AFF3: variants seen among roughly 807,000 people sequenced by gnomAD.
AFF3 encodes the protein ALF transcription elongation factor 3.
AFF3 carries 32 observed loss-of-function variants against 129.7 expected under a neutral mutation model. The ratio of observed to expected loss-of-function variants is 0.25; its 90% CI spans 0.19 to 0.33. The LOEUF is 0.33. Ranked by LOEUF, AFF3 falls within the 10% of genes least tolerant of loss-of-function variation. AFF3 has a pLI of 1.00. For missense variants in AFF3, 1,373 were observed against 1,592.0 expected (o/e 0.86, Z 2.34); for synonymous variants, 644 against 635.4 (o/e 1.01, Z -0.20).
intron 13 of AFF3, among the ~76,000 whole-genome samples, chr2:99,618,893 G>GATTC (rs112677518): frequency 0.45 from 67,435 of 149,774 alleles, 16,388 homozygotes; most frequent in Non-Finnish European, 0.56. Context: ...AGCTCTGATC[G>GATTC]ATTCATTCAT....
intron 4 of AFF3, among the ~76,000 whole-genome samples, chr2:100,055,559 C>T (rs1686699878): frequency 6.6e-6 from 1 of 151,948 alleles, no homozygotes; most frequent in African/African-American, 2.4e-5. Context: ...AGGAAAGATG[C>T]TTGGGCATTA....
chr2:99,947,653 T>TAGATAGACAGAC (rs1432410613), intron 7 of AFF3, among the ~76,000 whole-genome samples: 14 of 123,280 alleles, frequency 1.1e-4, no homozygotes, highest in East Asian at 9.5e-4. Context: ...GATAGATAGA[T>TAGATAGACAGAC]AGACAGACAG....
At chr2:100,037,612 A>G (rs866689262) in intron 4 of AFF3, among the ~76,000 whole-genome samples, 3,123 of 60,476 alleles carry the variant, frequency 0.052, 202 homozygotes, top group Middle Eastern at 0.076. Context: ...ATATAAATAT[A>G]TATTTATATT....
chr2:99,856,701 A>G (rs1039619255), intron 7 of AFF3, among the ~76,000 whole-genome samples: 1 of 152,168 alleles, frequency 6.6e-6, no homozygotes, highest in Non-Finnish European at 1.5e-5. Flanking sequence ...CTGGCGCCTA[A>G]TCCTTTCTTA....
At chr2:99,730,036 T>C (rs1332009026) in intron 10 of AFF3, among the ~76,000 whole-genome samples, 1 of 152,158 alleles carries the variant, frequency 6.6e-6, no homozygotes, top group Non-Finnish European at 1.5e-5. Flanking sequence ...GTAAAATCTA[T>C]GTATCTATGT....
chr2:99,955,128 A>G (rs955885217), intron 7 of AFF3, among the ~76,000 whole-genome samples: 35 of 152,198 alleles, frequency 2.3e-4, no homozygotes, highest in Admixed American at 4.6e-4. Context: ...TGTATAACAT[A>G]CAAAACACTG....
intron 1 of AFF3, among the ~76,000 whole-genome samples, chr2:100,141,604 AT>A (rs1442320049): frequency 6.6e-6 from 1 of 152,204 alleles, no homozygotes; most frequent in African/African-American, 2.4e-5. Context: ...TACCTGAATG[AT>A]CCCCTCTTTG....
chr2:99,631,416 C>T (rs1293171186), intron 13 of AFF3, among the ~76,000 whole-genome samples: 2 of 152,208 alleles, frequency 1.3e-5, no homozygotes, highest in African/African-American at 4.8e-5. Flanking sequence ...AGTACATTCA[C>T]ACTGCTGTAC....
intron 13 of AFF3, among the ~76,000 whole-genome samples, chr2:99,627,355 G>T (rs1215127980): frequency 6.6e-6 from 1 of 151,270 alleles, no homozygotes; most frequent in Admixed American, 6.6e-5. Context: ...TCATATGCTT[G>T]TTGGCCGCAT....
At chr2:99,676,409 A>T (rs1216189472) in intron 11 of AFF3, among the ~76,000 whole-genome samples, 1 of 151,902 alleles carries the variant, frequency 6.6e-6, no homozygotes, top group Non-Finnish European at 1.5e-5. Context: ...CAGAGCAGGG[A>T]CTCCAGCGTC....
intron 13 of AFF3, among the ~76,000 whole-genome samples, chr2:99,626,624 T>C (rs914264174): frequency 1.3e-5 from 2 of 149,792 alleles, no homozygotes; most frequent in African/African-American, 2.4e-5. Context: ...AGGTTTGTTA[T>C]ACAGGTAAAC....
chr2:99,776,842 T>C (rs1683940150), intron 8 of AFF3, among the ~76,000 whole-genome samples: 1 of 152,210 alleles, frequency 6.6e-6, no homozygotes, highest in African/African-American at 2.4e-5. Flanking sequence ...AGGCATCTGA[T>C]AGCAGCCCTG....
intron 11 of AFF3, 99 bp from the exon 12 acceptor site, chr2:99,672,688 A>C: frequency 8.7e-7 from 1 of 1,143,418 alleles, no homozygotes; most frequent in South Asian, 1.4e-5. Context: ...TATTAGAGCA[A>C]CATTTTGGAA....
At chr2:99,596,637 C>T (rs1457915402) in intron 14 of AFF3, among the ~76,000 whole-genome samples, 1 of 39,554 alleles carries the variant, frequency 2.5e-5, no homozygotes, top group African/African-American at 9.5e-5. Flanking sequence ...ACTAGTTCTC[C>T]CTCACTGCTA....
chr2:99,563,469 C>T lies in AFF3; in HGVS notation c.3119+2018G>A, dbSNP rs530636892. 6.6e-5 allele frequency among the ~76,000 whole-genome samples: 10 copies of T among 151,270 alleles called. No homozygotes were observed. In the South Asian group the frequency reaches 1.0e-3, roughly 16 times the overall value. Reference sequence around the variant, plus strand: ...CCTCCCAAAGTGCTGGGATTACAGGCGTGAGCCACCGCGCCCAGAAAATTA... The same window carrying T: ...CCTCCCAAAGTGCTGGGATTACAGGTGTGAGCCACCGCGCCCAGAAAATTA... On this transcript the variant is annotated intron_variant, in intron 20 of 24. Transcript: ENST00000672756.
At chr2:100,132,728 T>A (rs944012039) in intron 1 of AFF3, among the ~76,000 whole-genome samples, 2 of 152,164 alleles carry the variant, frequency 1.3e-5, no homozygotes, top group Non-Finnish European at 2.9e-5. Context: ...CTAATCTAAT[T>A]TGAAGACTTA....
intron 4 of AFF3, among the ~76,000 whole-genome samples, chr2:100,024,303 G>C (rs1049924787): frequency 5.3e-5 from 8 of 151,502 alleles, no homozygotes; most frequent in African/African-American, 1.9e-4. Context: ...GGCCGGGCAG[G>C]GTGGCTCATG....
chr2:100,107,753 G>T (rs528623446), intron 2 of AFF3, among the ~76,000 whole-genome samples: 1 of 152,218 alleles, frequency 6.6e-6, no homozygotes, highest in Non-Finnish European at 1.5e-5. Flanking sequence ...TCAGTCTGGG[G>T]CCCTACTCAC....
At chr2:99,975,754 CTTTTTTTT>C (rs35224838) in intron 7 of AFF3, among the ~76,000 whole-genome samples, 13 of 103,894 alleles carry the variant, frequency 1.3e-4, no homozygotes, top group African/African-American at 4.3e-4. Flanking sequence ...TTTCCCTCCA[CTTTTTTTT>C]TTTTTTTTTT....
Sources: gnomAD v4.1 joint callset for allele counts (sites outside exome capture counted in the v4.1 genomes callset) on GRCh38, gnomAD v4.1.1 for gene constraint, MANE v1.5 for transcripts, NCBI Gene and HGNC (gene_info 2026-07-23, HGNC 2026-07-21) for gene names.